CEMIP: variants seen among roughly 807,000 people sequenced by gnomAD.
CEMIP encodes the protein cell migration-inducing and hyaluronan-binding protein.
A neutral mutation model predicts 156.9 loss-of-function variants in CEMIP; 105 were observed. The ratio of observed to expected loss-of-function variants is 0.67; its 90% CI spans 0.57 to 0.79. CEMIP has a LOEUF of 0.79. Among genes scored for constraint, CEMIP ranks in the 30% least tolerant of loss-of-function variants. CEMIP has a pLI of 0.00. For synonymous variants in CEMIP, 676 were observed against 668.4 expected, an observed-to-expected ratio of 1.01 and a Z score of -0.17; for missense variants, 1,457 against 1,769.4, an observed-to-expected ratio of 0.82 and a Z score of 3.17.
intron 11 of CEMIP, 29 bp downstream of exon 11, chr15:80,895,151 T>C: frequency 6.2e-7 from 1 of 1,613,976 alleles, no homozygotes; most frequent in Admixed American, 1.7e-5. Context: ...GGGACACAGA[T>C]GCAACTATGG....
chr15:80,851,023 C>G (rs1897704328), intron 1 of CEMIP, among the ~76,000 whole-genome samples: 1 of 152,240 alleles, frequency 6.6e-6, no homozygotes, highest in South Asian at 2.1e-4. Context: ...CAGACTCTCT[C>G]TATCTCCAAG....
chr15:80,789,853 AG>A (rs1403146131), intron 1 of CEMIP, among the ~76,000 whole-genome samples: 5 of 152,380 alleles, frequency 3.3e-5, no homozygotes, highest in African/African-American at 9.6e-5. Flanking sequence ...TTAAATAAAA[AG>A]CTATTTTTGA....
chr15:80,846,208 G>A (rs1897552800), intron 1 of CEMIP, among the ~76,000 whole-genome samples: 3 of 152,180 alleles, frequency 2.0e-5, no homozygotes, highest in Non-Finnish European at 4.4e-5. Context: ...CTATTATGGA[G>A]GTGGACGTTT....
intron 15 of CEMIP, 96 bp downstream of exon 15, chr15:80,920,395 C>A: frequency 8.5e-7 from 1 of 1,171,414 alleles, no homozygotes; most frequent in South Asian, 1.5e-5. Context: ...GACTTCTGCA[C>A]TTCGGGGCTC....
chr15:80,940,933 G>GC (rs2141969414), intron 25 of CEMIP, among the ~76,000 whole-genome samples: 1 of 152,332 alleles, frequency 6.6e-6, no homozygotes, highest in East Asian at 1.9e-4. Context: ...AAGGTTGTCA[G>GC]CCCCAACTCC....
intron 1 of CEMIP, among the ~76,000 whole-genome samples, chr15:80,795,436 A>G (rs1004142837): frequency 4.1e-4 from 63 of 151,940 alleles, no homozygotes; most frequent in African/African-American, 1.5e-3. Flanking sequence ...GCTGGTGTTT[A>G]GGAGATGCAA....
At chr15:80,887,542 G>T (rs1347785435) in intron 7 of CEMIP, 152 bp from the exon 8 acceptor site, 1 of 688,574 alleles carries the variant, frequency 1.5e-6, no homozygotes, top group Non-Finnish European at 2.6e-6. Flanking sequence ...CTGGAGAAGA[G>T]AAGCCCAGCA....
rs768806113 is a variant in CEMIP at position 80,841,951 on chromosome 15, AGATGCAT to A, written c.-175-31585_-175-31579del. On this transcript the variant is annotated intron_variant, in intron 1 of 29. Coordinates refer to ENST00000394685, the MANE Select transcript of CEMIP (RefSeq NM_001293298.2). The stretch of plus-strand genomic sequence containing the variant: ...AATTCCTGGCGGGGATTACATACAA[AGATGCAT>A]GGAAAATGCCTAGCACAGTGCCTGG... 69 of 296,110 alleles carry A rather than the reference AGATGCAT, an allele frequency of 2.3e-4. 2 individuals carry two copies. The highest frequency in any genetic ancestry group is 2.0e-3 in the South Asian group (61 of 30,058). 18.3% of individuals were successfully genotyped at this position (296,110 alleles called of 1,614,324 possible).
intron 28 of CEMIP, among the ~76,000 whole-genome samples, chr15:80,944,145 T>C (rs780739125): frequency 1.3e-5 from 2 of 152,092 alleles, no homozygotes; most frequent in African/African-American, 2.4e-5. Context: ...CTGGGTGTGG[T>C]GGTGCACACC....
intron 1 of CEMIP, among the ~76,000 whole-genome samples, chr15:80,842,901 T>A (rs1379372407): frequency 1.3e-5 from 2 of 151,932 alleles, no homozygotes; most frequent in East Asian, 3.9e-4. Flanking sequence ...TTCCAGGAGG[T>A]CCCAGGGGTC....
At position 80,928,899 on chromosome 15, in the gene CEMIP, C is replaced by T. The variant is rs748374662; in HGVS notation, c.2421-3C>T. The T allele has an allele frequency of 6.2e-7, 1 of 1,613,926 alleles. No individual in the cohort carries two copies. The highest frequency in any genetic ancestry group is 1.7e-5 in the Admixed American group (1 of 60,030). On this transcript the variant is annotated splice_region_variant and splice_polypyrimidine_tract_variant and intron_variant, in intron 19 of 29. Coordinates refer to ENST00000394685, the MANE Select transcript of CEMIP (RefSeq NM_001293298.2). ...CTGACTATCTATCTGCTCTTGCCCA[C>T]AGGTTTGCTGACAATGGCATTGGCC...
Position 80,949,336 on chromosome 15 carries a change from G to A in CEMIP, c.*412G>A, listed in dbSNP as rs749683324. On this transcript the variant is annotated 3_prime_UTR_variant, in exon 30 of 30. Transcript: ENST00000394685. ...CATTCACAGATCCCCATGGTCTTCA[G>A]CAGACAAGTGAGGGTGGTAAATGTA... 1 of 323,056 alleles carries A rather than the reference G, an allele frequency of 3.1e-6. No individual in the cohort carries two copies. Among genetic ancestry groups the A allele is most frequent in the Non-Finnish European group, 6.1e-6 (1 of 164,454 alleles). The allele number at this position is 323,056 out of a possible 1,614,324, so 20.0% of individuals were successfully genotyped here. A position where few individuals can be genotyped will look rare whatever the true frequency, so the allele number is the denominator to read the frequency against.
intron 14 of CEMIP, among the ~76,000 whole-genome samples, chr15:80,911,446 A>G (rs1316446097): frequency 6.6e-6 from 1 of 152,224 alleles, no homozygotes; most frequent in Non-Finnish European, 1.5e-5. Context: ...AAAGAGAAAG[A>G]TATTAAGATT....
chr15:80,854,205 G>A (rs1376826748), intron 1 of CEMIP, among the ~76,000 whole-genome samples: 1 of 152,270 alleles, frequency 6.6e-6, no homozygotes, highest in African/African-American at 2.4e-5. Context: ...TCCAACTGAA[G>A]CCTCTGGAAG....
intron 1 of CEMIP, among the ~76,000 whole-genome samples, chr15:80,806,158 C>G (rs554575822): frequency 7.2e-5 from 11 of 152,330 alleles, no homozygotes; most frequent in African/African-American, 2.6e-4. Flanking sequence ...CTGGCATGCC[C>G]ATACCAACGT....
At chr15:80,873,506 T>G in intron 1 of CEMIP, 32 bp from the exon 2 acceptor site, 1 of 290,436 alleles carries the variant, frequency 3.4e-6, no homozygotes, top group Non-Finnish European at 6.7e-6. Flanking sequence ...TCAGTGGGAG[T>G]ATTTTTGTTC....
At chr15:80,859,205 C>T (rs138007592) in intron 1 of CEMIP, among the ~76,000 whole-genome samples, 1 of 152,310 alleles carries the variant, frequency 6.6e-6, no homozygotes, top group East Asian at 1.9e-4. Flanking sequence ...TGGGTCAGCC[C>T]CCATTGAGCT....
At chr15:80,854,084 T>C (rs1251344050) in intron 1 of CEMIP, among the ~76,000 whole-genome samples, 1 of 152,278 alleles carries the variant, frequency 6.6e-6, no homozygotes, top group African/African-American at 2.4e-5. Flanking sequence ...CCTGGGCCTC[T>C]GCAGGCCCTC....
intron 3 of CEMIP, among the ~76,000 whole-genome samples, chr15:80,876,880 C>T (rs1388542979): frequency 6.6e-6 from 1 of 152,190 alleles, no homozygotes; most frequent in African/African-American, 2.4e-5. Flanking sequence ...CTCATAATTG[C>T]ACTGTATTAG....
Sources: gnomAD v4.1 joint callset for allele counts (sites outside exome capture counted in the v4.1 genomes callset) on GRCh38, gnomAD v4.1.1 for gene constraint, MANE v1.5 for transcripts, NCBI Gene and HGNC (gene_info 2026-07-23, HGNC 2026-07-21) for gene names.